The following VPS13B variants were observed in gnomAD, a reference collection of about 807,000 sequenced individuals.
VPS13B encodes the protein intermembrane lipid transfer protein VPS13B.
Under a neutral mutation model 426.4 loss-of-function variants are expected in VPS13B, and 285 were observed. The ratio of observed to expected loss-of-function variants is 0.67; its 90% CI spans 0.61 to 0.74. The LOEUF (loss-of-function observed/expected upper bound fraction) is 0.74, where lower values mean the gene tolerates loss of function less well. VPS13B is among the 30% of genes least tolerant of loss of function. The pLI, the probability that VPS13B is intolerant of heterozygous loss-of-function variation, is 0.00. For synonymous variants in VPS13B, 1,676 were observed against 1,676.4 expected, an observed-to-expected ratio of 1.00 and a Z score of 0.01; for missense variants, 4,537 against 4,782.6, an observed-to-expected ratio of 0.95 and a Z score of 1.51.
intron 55 of VPS13B, among the ~76,000 whole-genome samples, chr8:99,851,176 T>C (rs1422520795): frequency 1.3e-5 from 2 of 152,186 alleles, no homozygotes; most frequent in Non-Finnish European, 2.9e-5. Flanking sequence ...ATCTAGGGCA[T>C]AAATGTTAAT....
rs1817123688 is a variant in VPS13B at position 99,431,736 on chromosome 8, T to C, written c.3210+72T>C. 13 of 1,495,166 alleles carry C rather than the reference T, an allele frequency of 8.7e-6. No homozygotes were observed. The South Asian group carries it at 1.4e-4, about 17-fold the overall frequency. 92.6% of individuals were successfully genotyped at this position (1,495,166 alleles called of 1,614,324 possible). Reference sequence around the variant, plus strand: ...TTTTAATTCCCAGCATTGTTAATATTGGTAAGACTTTTCTCACATGTAACA... The same window carrying C: ...TTTTAATTCCCAGCATTGTTAATATCGGTAAGACTTTTCTCACATGTAACA... On this transcript the variant is annotated intron_variant, in intron 22 of 61. Transcript: ENST00000357162.
chr8:99,637,671 A>T (rs1829126404), intron 33 of VPS13B, among the ~76,000 whole-genome samples: 1 of 152,096 alleles, frequency 6.6e-6, no homozygotes, highest in Non-Finnish European at 1.5e-5. Context: ...CTGGATGCTA[A>T]ATTTCTTTAC....
chr8:99,675,391 A>G (rs1830890366), intron 35 of VPS13B, among the ~76,000 whole-genome samples: 1 of 151,886 alleles, frequency 6.6e-6, no homozygotes. Context: ...TTTGTCTTTG[A>G]TCTTTGATAG....
intron 3 of VPS13B, chr8:99,094,149 C>T (rs969999788): frequency 6.6e-6 from 1 of 152,096 alleles, no homozygotes; most frequent in African/African-American, 2.4e-5. Context: ...TATGTGATTT[C>T]AGATGGTTTC....
At chr8:99,275,940 A>G (rs553001292) in intron 19 of VPS13B, among the ~76,000 whole-genome samples, 1 of 152,302 alleles carries the variant, frequency 6.6e-6, no homozygotes, top group South Asian at 2.1e-4. Flanking sequence ...ATAGTAATAT[A>G]GACATTTGTT....
In VPS13B at chr8:99,832,567, C is replaced by T; in HGVS notation, c.9529C>T (p.Leu3177=). The part of the protein sequence containing the change: ...PGADSSQCWS[L]PAIVRPEFPR... ...TGCTGACAGCTCACAGTGCTGGAGC[C>T]TGCCAGCTATAGTTAGACCAGAGTT... Residue 3177 remains leucine (L), a synonymous_variant, in exon 52 of 62, where the codon CTG becomes TTG. Coordinates refer to ENST00000357162, the MANE Select transcript of VPS13B (RefSeq NM_152564.5). 1 of 1,613,860 alleles carries T rather than the reference C, an allele frequency of 6.2e-7. No homozygotes were observed. Among genetic ancestry groups the T allele is most frequent in the Non-Finnish European group, 8.5e-7 (1 of 1,179,980 alleles).
chr8:99,474,203 T>TTTTTTTTTTTTTTTTTTTTG (rs1819569267), intron 24 of VPS13B, among the ~76,000 whole-genome samples: 1 of 148,628 alleles, frequency 6.7e-6, no homozygotes. Context: ...TTTTTTTTTT[T>TTTTTTTTTTTTTTTTTTTTG]GTGGAGACAG....
intron 21 of VPS13B, among the ~76,000 whole-genome samples, chr8:99,415,701 A>C (rs933236754): frequency 2.6e-5 from 4 of 152,296 alleles, no homozygotes; most frequent in African/African-American, 9.6e-5. Context: ...AGTTTGCTGG[A>C]GGTTCACTCC....
intron 19 of VPS13B, among the ~76,000 whole-genome samples, chr8:99,375,496 T>G (rs3105191): frequency 2.0e-5 from 3 of 152,176 alleles, no homozygotes; most frequent in East Asian, 3.9e-4. Context: ...ATGTATGTAT[T>G]GTACCATACA....
At chr8:99,136,991 A>G (rs1461229454) in intron 12 of VPS13B, among the ~76,000 whole-genome samples, 1 of 152,164 alleles carries the variant, frequency 6.6e-6, no homozygotes, top group East Asian at 1.9e-4. Context: ...ATTAGTTCTC[A>G]TGTGTACCAT....
chr8:99,190,176 G>A (rs1486929698), intron 16 of VPS13B, among the ~76,000 whole-genome samples: 1 of 152,030 alleles, frequency 6.6e-6, no homozygotes, highest in Non-Finnish European at 1.5e-5. Flanking sequence ...TATATCCATG[G>A]TAATAGTCTT....
intron 43 of VPS13B, chr8:99,799,277 T>C (rs1003398599): frequency 2.6e-5 from 4 of 152,210 alleles, no homozygotes; most frequent in African/African-American, 9.6e-5. Context: ...TGAGAGCAGA[T>C]TTTAAGATAA....
intron 33 of VPS13B, among the ~76,000 whole-genome samples, chr8:99,589,674 C>A (rs201262433): frequency 3.4e-5 from 5 of 148,774 alleles, no homozygotes; most frequent in African/African-American, 5.2e-5. Context: ...ATACATGTGC[C>A]TGTGTCTTTA....
intron 21 of VPS13B, among the ~76,000 whole-genome samples, chr8:99,398,242 A>ACTT (rs1814844635): frequency 6.6e-6 from 1 of 152,222 alleles, no homozygotes; most frequent in South Asian, 2.1e-4. Context: ...GGATGAGAAG[A>ACTT]GAGTGCAAAA....
chr8:99,443,973 A>G (rs1163035252), intron 23 of VPS13B, among the ~76,000 whole-genome samples: 2 of 149,682 alleles, frequency 1.3e-5, no homozygotes, highest in Middle Eastern at 3.5e-3. Flanking sequence ...CTGTGTCACT[A>G]TTTGTTATTA....
At chr8:99,640,013 TAATAATAATAATAAGAAG>T (rs1315339297) in intron 33 of VPS13B, among the ~76,000 whole-genome samples, 2 of 70,592 alleles carry the variant, frequency 2.8e-5, no homozygotes, top group African/African-American at 5.3e-5. Context: ...ATAATAATAA[TAATAATAATAATAAGAAG>T]AAGAAGAAGA....
chr8:99,014,570 T>C (rs1841513470), intron 2 of VPS13B, among the ~76,000 whole-genome samples: 1 of 151,990 alleles, frequency 6.6e-6, no homozygotes. Context: ...TGCTAATTTA[T>C]GTTGTCAAAA....
chr8:99,361,742 A>T (rs375966204), intron 19 of VPS13B, among the ~76,000 whole-genome samples: 2 of 152,200 alleles, frequency 1.3e-5, no homozygotes, highest in African/African-American at 4.8e-5. Context: ...CTGGAACATG[A>T]TGCCTGTATA....
intron 33 of VPS13B, among the ~76,000 whole-genome samples, chr8:99,599,766 G>A (rs1485334207): frequency 6.6e-6 from 1 of 152,048 alleles, no homozygotes; most frequent in Admixed American, 6.6e-5. Context: ...TCAGATAATA[G>A]AGGAATAAAA....
Sources: allele counts gnomAD v4.1 joint callset (sites outside exome capture counted in the v4.1 genomes callset), GRCh38; gene constraint gnomAD v4.1.1; transcripts MANE v1.5; gene names NCBI Gene and HGNC (gene_info 2026-07-23, HGNC 2026-07-21).